Variants in UVSSA observed in about 807,000 individuals in gnomAD.
UVSSA encodes the protein UV-stimulated scaffold protein A.
UVSSA carries 72 observed loss-of-function variants against 73.9 expected under a neutral mutation model. The ratio of observed to expected loss-of-function variants is 0.97; its 90% CI spans 0.81 to 1.19. UVSSA has a LOEUF of 1.19. Ranked by LOEUF, UVSSA falls within the 50% of genes most tolerant of loss-of-function variation. UVSSA has a pLI of 0.00. For missense variants in UVSSA, 1,150 were observed against 965.0 expected, an observed-to-expected ratio of 1.19 and a Z score of -2.54; for synonymous variants, 454 against 391.3, an observed-to-expected ratio of 1.16 and a Z score of -1.89.
intron 7 of UVSSA, among the ~76,000 whole-genome samples, chr4:1,357,585 C>T (rs971963353): frequency 1.2e-4 from 18 of 152,344 alleles, no homozygotes; most frequent in African/African-American, 2.9e-4. Context: ...AGCGCGGCCA[C>T]GGTACCAGCG....
intron 10 of UVSSA, among the ~76,000 whole-genome samples, chr4:1,376,376 C>G (rs1001096297): frequency 6.6e-6 from 1 of 152,318 alleles, no homozygotes; most frequent in East Asian, 1.9e-4. Context: ...CTTTTTTGAG[C>G]CTTTCTGCTG....
chr4:1,383,954 C>T lies in UVSSA; in HGVS notation c.2036+14C>T. 6.2e-7 allele frequency: 1 copy of T among 1,604,800 alleles called. No homozygotes were observed. Among genetic ancestry groups the T allele is most frequent in the Non-Finnish European group, 8.5e-7 (1 of 1,176,298 alleles). ...AGTCTTCGCCAAGTAAGAGTGGCTG[C>T]TGGGTCACCTCCCACCGCGTGGCCC... On this transcript the variant is annotated intron_variant, in intron 13 of 13. Coordinates refer to ENST00000389851, the MANE Select transcript of UVSSA (RefSeq NM_020894.4).
intron 7 of UVSSA, among the ~76,000 whole-genome samples, chr4:1,355,504 T>C (rs1715586156): frequency 6.6e-6 from 1 of 152,204 alleles, no homozygotes; most frequent in African/African-American, 2.4e-5. Context: ...TGCTGAGTGC[T>C]GTGCGCGCCT....
At chr4:1,358,445 T>C (rs889835021) in intron 7 of UVSSA, 2 of 152,284 alleles carry the variant, frequency 1.3e-5, no homozygotes, top group Non-Finnish European at 2.9e-5. Context: ...TAGACTCTTC[T>C]CCGCAAACTG....
chr4:1,394,549 C>T lies in UVSSA; in HGVS notation c.*8588C>T, dbSNP rs559546288. The T allele has an allele frequency of 2.6e-5, 40 of 1,525,876 alleles. No individual in the cohort carries two copies. Among genetic ancestry groups the T allele is most frequent in the Admixed American group, 2.0e-4 (11 of 54,030 alleles). The allele number at this position is 1,525,876 out of a possible 1,614,324, so 94.5% of individuals were successfully genotyped here. Reference sequence around the variant, plus strand: ...TCGCTTTGTGCCAATGTGGAGTGCCCGCCTGCTCACACGTGCCCATGTGGA... The same window carrying T: ...TCGCTTTGTGCCAATGTGGAGTGCCTGCCTGCTCACACGTGCCCATGTGGA... On this transcript the variant is annotated 3_prime_UTR_variant, in exon 14 of 14. Coordinates refer to the UVSSA transcript ENST00000511216.
chr4:1,355,324 T>A (rs895669758), intron 7 of UVSSA, 79 bp downstream of exon 7: 1 of 1,388,258 alleles, frequency 7.2e-7, no homozygotes, highest in Non-Finnish European at 9.9e-7. Flanking sequence ...GGTTGTGCCC[T>A]GGGCCTGTGG....
chr4:1,379,747 C>T (rs906356734), intron 10 of UVSSA, among the ~76,000 whole-genome samples: 12 of 150,614 alleles, frequency 8.0e-5, no homozygotes, highest in African/African-American at 2.9e-4. Flanking sequence ...CGTGGTCGCG[C>T]GGCTGGTTCA....
chr4:1,375,234 G>T (rs1005891306), intron 8 of UVSSA, 130 bp from the exon 9 acceptor site: 1 of 1,445,628 alleles, frequency 6.9e-7, no homozygotes, highest in African/African-American at 1.4e-5. Flanking sequence ...CAGATAGCAG[G>T]CACCCACCTC....
chr4:1,354,832 G>A lies in UVSSA; in HGVS notation c.1032G>A (p.Val344=), dbSNP rs372630188. 82 of 1,610,216 alleles carry A rather than the reference G, an allele frequency of 5.1e-5. No individual in the cohort carries two copies. The Middle Eastern group carries it at 8.3e-4, about 16-fold the overall frequency. Residue 344 remains valine (V), a synonymous_variant, in exon 6 of 14, where the codon GTG becomes GTA. Coordinates refer to ENST00000389851, the MANE Select transcript of UVSSA (RefSeq NM_020894.4). ...TCCGGAACAAGTTCCTGCCGGCTGT[G>A]TGCTCGTGGATCCAGGTGAGCCTCG... ...KLIRNKFLPA[V]CSWIQRFTRV...
chr4:1,369,815 T>A (rs1717800109), intron 8 of UVSSA, among the ~76,000 whole-genome samples: 1 of 152,246 alleles, frequency 6.6e-6, no homozygotes. Flanking sequence ...ATTTGGACAT[T>A]TTTATGATTC....
chr4:1,354,925 G>A (rs1715457392), intron 6 of UVSSA, 78 bp downstream of exon 6: 9 of 1,532,970 alleles, frequency 5.9e-6, no homozygotes, highest in Non-Finnish European at 7.9e-6. Flanking sequence ...CTTTCTTGGG[G>A]GGACTGTGGC....
chr4:1,358,519 G>C (rs1716133306), intron 7 of UVSSA: 1 of 152,270 alleles, frequency 6.6e-6, no homozygotes, highest in South Asian at 2.1e-4. Flanking sequence ...TGGAGTGCAA[G>C]GAGCTGCCTG....
chr4:1,353,444 C>T, intron 5 of UVSSA, 31 bp downstream of exon 5: 2 of 1,447,400 alleles, frequency 1.4e-6, no homozygotes, highest in East Asian at 2.5e-5. Context: ...TCTGTGGCGC[C>T]ACCCTGCCCC....
chr4:1,395,895 AAATTG>A (rs1464932328), exon 14 of UVSSA: 2 of 1,592,734 alleles, frequency 1.3e-6, no homozygotes, highest in East Asian at 2.2e-5. Context: ...TGTTTTTGTA[AAATTG>A]AATTCAGGAC....
At chr4:1,346,712 G>A (rs1373137877), upstream of UVSSA, among the ~76,000 whole-genome samples, 3 of 152,122 alleles carry the variant, frequency 2.0e-5, no homozygotes, top group East Asian at 3.9e-4. Context: ...GGTCCTCACC[G>A]GCCCTCTGCA....
At chr4:1,357,656 A>G (rs1715980891) in intron 7 of UVSSA, among the ~76,000 whole-genome samples, 1 of 152,202 alleles carries the variant, frequency 6.6e-6, no homozygotes, top group Admixed American at 6.5e-5. Flanking sequence ...ACCCTGGTGG[A>G]TGCAGACTCC....
chr4:1,353,666 G>A (rs1357179483), intron 5 of UVSSA, among the ~76,000 whole-genome samples: 1 of 152,210 alleles, frequency 6.6e-6, no homozygotes, highest in Non-Finnish European at 1.5e-5. Context: ...GAGGCTGTGG[G>A]CAGAGTAAGG....
rs1560469073 is a variant in UVSSA at position 1,372,794 on chromosome 4, T to TCAGG, written c.1289-2570_1289-2569insCAGG. Among the ~76,000 whole-genome samples the TCAGG allele has an allele frequency of 5.9e-3, 256 of 43,672 alleles. 15 individuals are homozygous for TCAGG. Among genetic ancestry groups the TCAGG allele is most frequent in the African/African-American group, 0.012 (155 of 13,342 alleles). 28.7% of individuals were successfully genotyped at this position (43,672 alleles called of 152,430 possible). A position where few individuals can be genotyped will look rare whatever the true frequency, so the allele number is the denominator to read the frequency against. ...TCAGGGCACTCACCTCCCGCGTCCCTGCACTCACCTCCCGCGTCTCAGGGC... is the reference window on the plus strand; with the variant it reads ...TCAGGGCACTCACCTCCCGCGTCCCTCAGGGCACTCACCTCCCGCGTCTCAGGGC... On this transcript the variant is annotated intron_variant, in intron 8 of 13. Transcript: ENST00000389851.
intron 5 of UVSSA, 43 bp downstream of exon 5, chr4:1,353,456 G>GC: frequency 6.9e-7 from 1 of 1,440,466 alleles, no homozygotes; most frequent in Non-Finnish European, 9.1e-7. Context: ...CCCTGCCCCG[G>GC]CTCCCGGGTA....
Sources: gnomAD v4.1 joint callset for allele counts (sites outside exome capture counted in the v4.1 genomes callset) on GRCh38, gnomAD v4.1.1 for gene constraint, MANE v1.5 for transcripts, NCBI Gene and HGNC (gene_info 2026-07-23, HGNC 2026-07-21) for gene names.